The following ENO2 variants were observed in gnomAD, a reference collection of about 807,000 sequenced individuals.
ENO2 encodes gamma-enolase.
ENO2 carries 19 observed loss-of-function variants against 48.7 expected under a neutral mutation model. That is an observed-to-expected ratio of 0.39 (90% CI 0.27 to 0.57). ENO2 has a LOEUF of 0.57. Ranked by LOEUF, ENO2 falls within the 20% of genes least tolerant of loss-of-function variation. The pLI is 0.58. For missense variants in ENO2, 416 were observed against 555.0 expected, an observed-to-expected ratio of 0.75 and a Z score of 2.52; for synonymous variants, 198 against 213.4, an observed-to-expected ratio of 0.93 and a Z score of 0.63.
Position 6,916,663 on chromosome 12 carries a change from T to C in ENO2, c.182-8T>C. 2 of 1,614,134 alleles carry C rather than the reference T, an allele frequency of 1.2e-6. No individual in the cohort carries two copies. ...GCCCGACCCAGTCCAGCCTCTTCCTTTCCCCAGGTGTCCTGAAGGCAGTGG... is the reference window on the plus strand; with the variant it reads ...GCCCGACCCAGTCCAGCCTCTTCCTCTCCCCAGGTGTCCTGAAGGCAGTGG... On this transcript the variant is annotated splice_region_variant and splice_polypyrimidine_tract_variant and intron_variant, in intron 3 of 11. Coordinates refer to ENST00000229277, the MANE Select transcript of ENO2 (RefSeq NM_001975.3). The surrounding 1 kb of genome is among the most constrained non-coding windows in gnomAD (Gnocchi z 4.5).
At chr12:6,919,545 C>G (rs781964516) in intron 7 of ENO2, 21 bp from the exon 8 acceptor site, 1 of 1,613,644 alleles carries the variant, frequency 6.2e-7, no homozygotes, top group Admixed American at 1.7e-5. Context: ...GTACTATAAT[C>G]TCACTGTATT....
At chr12:6,920,064 G>A (rs1410352027) in intron 8 of ENO2, among the ~76,000 whole-genome samples, 3 of 152,136 alleles carry the variant, frequency 2.0e-5, no homozygotes, top group Non-Finnish European at 4.4e-5. Flanking sequence ...AGTGTGACTG[G>A]ATCTAGCAGA....
chr12:6,917,249 A>T (rs1282712981), intron 5 of ENO2, 142 bp downstream of exon 5: 1 of 1,056,038 alleles, frequency 9.5e-7, no homozygotes, highest in African/African-American at 1.6e-5. Flanking sequence ...GAGCAAGGGG[A>T]GATGAGTTTA....
chr12:6,921,389 T>C (rs1250778706), intron 8 of ENO2, 192 bp from the exon 9 acceptor site: 7 of 541,162 alleles, frequency 1.3e-5, no homozygotes, highest in Non-Finnish European at 1.9e-5. Flanking sequence ...TGAGGCTCTG[T>C]CAAAAAAAAA....
Position 6,917,045 on chromosome 12 carries a change from C to T in ENO2, c.248C>T (p.Ser83Phe). The T allele has an allele frequency of 6.2e-7, 1 of 1,614,176 alleles. No individual in the cohort carries two copies. Among genetic ancestry groups the T allele is most frequent in the South Asian group, 1.1e-5 (1 of 91,084 alleles). The change falls in exon 5 of 12, where the codon TCT becomes TTT. Residue 83 changes from serine to phenylalanine, a missense_variant. Ser to Phe is a radical substitution (Grantham distance 155). Transcript: ENST00000229277. ...TGGAGGCTCTGCCCTCAGGGTCTCT[C>T]TGTGGTGGAGCAAGAGAAACTGGAC... ...IAPALISSGL[S>F]VVEQEKLDNL...
intron 7 of ENO2, among the ~76,000 whole-genome samples, chr12:6,919,163 G>T (rs1197666021): frequency 6.6e-6 from 1 of 152,118 alleles, no homozygotes; most frequent in African/African-American, 2.4e-5. Context: ...GGAATGGAAA[G>T]AATATAGGTA....
At chr12:6,921,938 C>T in intron 9 of ENO2, 118 bp from the exon 10 acceptor site, 2 of 1,514,114 alleles carry the variant, frequency 1.3e-6, no homozygotes, top group East Asian at 2.3e-5. Flanking sequence ...ACCCCTGATT[C>T]TCTGCTCCCC....
chr12:6,919,799 C>T lies in ENO2; in HGVS notation c.865+36C>T, dbSNP rs781865471. 60 of 1,605,188 alleles carry T rather than the reference C, an allele frequency of 3.7e-5. No homozygotes were observed. In the East Asian group the frequency reaches 1.3e-3, roughly 35 times the overall value. Reference sequence around the variant, plus strand: ...GTGGTGTGAGGGGGAGGTCTGGGGGCAGGCAGGGACGTGTCCCAGCAACTC... The same window carrying T: ...GTGGTGTGAGGGGGAGGTCTGGGGGTAGGCAGGGACGTGTCCCAGCAACTC... On this transcript the variant is annotated intron_variant, in intron 8 of 11. Coordinates refer to ENST00000229277, the MANE Select transcript of ENO2 (RefSeq NM_001975.3).
At chr12:6,919,066 T>C (rs1273966607) in intron 7 of ENO2, among the ~76,000 whole-genome samples, 2 of 147,048 alleles carry the variant, frequency 1.4e-5, no homozygotes, top group African/African-American at 4.9e-5. Context: ...ATTCATCCCA[T>C]CCATTCGAAA....
chr12:6,917,169 G>T, intron 5 of ENO2, 62 bp downstream of exon 5: 1 of 1,594,552 alleles, frequency 6.3e-7, no homozygotes, highest in African/African-American at 1.3e-5. Flanking sequence ...AGCAGATAGA[G>T]AGCTGAAGGG....
At chr12:6,920,879 T>C (rs992951510) in intron 8 of ENO2, among the ~76,000 whole-genome samples, 1 of 151,424 alleles carries the variant, frequency 6.6e-6, no homozygotes, top group Non-Finnish European at 1.5e-5. Context: ...TGGCGTGAGA[T>C]CTCTGCTCAC....
Position 6,922,952 on chromosome 12 carries a change from C to T in ENO2, c.*152C>T. On this transcript the variant is annotated 3_prime_UTR_variant, in exon 12 of 12. Transcript: ENST00000229277. This position sits in a 1 kb window ranked among gnomAD's most constrained non-coding sequence, Gnocchi z 5.3. ...CCTGCTCCGCTGCTCCTTGGCTTAC[C>T]TGACCTCTTGCTGTCTCTGCTCGCC... The T allele has an allele frequency of 1.4e-6, 1 of 740,072 alleles. No individual in the cohort carries two copies. Among genetic ancestry groups the T allele is most frequent in the Admixed American group, 2.3e-5 (1 of 43,868 alleles). The allele number at this position is 740,072 out of a possible 1,614,324, so 45.8% of individuals were successfully genotyped here.
Position 6,916,910 on chromosome 12 carries a change from G to C in ENO2, c.241-128G>C. The C allele has an allele frequency of 7.0e-7, 1 of 1,432,968 alleles. No individual in the cohort carries two copies. 88.8% of individuals were successfully genotyped at this position (1,432,968 alleles called of 1,614,324 possible). A position where few individuals can be genotyped will look rare whatever the true frequency, so the allele number is the denominator to read the frequency against. On this transcript the variant is annotated intron_variant, in intron 4 of 11. Transcript: ENST00000229277. The surrounding 1 kb of genome is among the most constrained non-coding windows in gnomAD (Gnocchi z 4.5). ...ATGGGAGTTCAGGTCCCCTAATCCA[G>C]GTAGGCCCCTGTCACAGGGACCTGG...
chr12:6,916,625 C>G lies in ENO2; in HGVS notation c.182-46C>G. 1.2e-6 allele frequency: 2 copies of G among 1,612,994 alleles called. No homozygotes were observed. The highest frequency in any genetic ancestry group is 1.7e-6 in the Non-Finnish European group (2 of 1,179,004). ...CTTCCCCTCCTCCCATTGATCCCTT[C>G]CGGCCCCTCCTGGCCCGACCCAGTC... On this transcript the variant is annotated intron_variant, in intron 3 of 11. Coordinates refer to ENST00000229277, the MANE Select transcript of ENO2 (RefSeq NM_001975.3). This position sits in a 1 kb window ranked among gnomAD's most constrained non-coding sequence, Gnocchi z 4.5.
rs1267901763 is a variant in ENO2 at position 6,922,882 on chromosome 12, CT to C, written c.*83del. 2.0e-6 allele frequency: 3 copies of C among 1,498,192 alleles called. No homozygotes were observed. The East Asian group carries it at 6.8e-5, about 34-fold the overall frequency. 92.8% of individuals were successfully genotyped at this position (1,498,192 alleles called of 1,614,324 possible). A position where few individuals can be genotyped will look rare whatever the true frequency, so the allele number is the denominator to read the frequency against. ...GTCCTGATCTGTGATAGTTCACCCC[CT>C]GAGATCCCCTGAGCCCCAGGGTGCC... On this transcript the variant is annotated 3_prime_UTR_variant, in exon 12 of 12. Transcript: ENST00000229277. This position sits in a 1 kb window ranked among gnomAD's most constrained non-coding sequence, Gnocchi z 5.3.
rs916988481 is a variant in ENO2, at chr12:6,922,630, G to A, written c.1236-101G>A. On this transcript the variant is annotated intron_variant, in intron 11 of 11. Transcript: ENST00000229277. The surrounding 1 kb of genome is among the most constrained non-coding windows in gnomAD (Gnocchi z 5.3). ...CTAAGCCTTGGGGCAGGACACAAAAGCAGGTGGTGTGGGGGTGGTTGGAGT... is the reference window on the plus strand; with the variant it reads ...CTAAGCCTTGGGGCAGGACACAAAAACAGGTGGTGTGGGGGTGGTTGGAGT... 4.9e-6 allele frequency: 7 copies of A among 1,421,028 alleles called. No individual in the cohort carries two copies. In the Admixed American group the frequency reaches 1.2e-4, roughly 24 times the overall value. The allele number at this position is 1,421,028 out of a possible 1,614,324, so 88.0% of individuals were successfully genotyped here. A position where few individuals can be genotyped will look rare whatever the true frequency, so the allele number is the denominator to read the frequency against.
chr12:6,915,940 TC>T, intron 2 of ENO2, 23 bp downstream of exon 2: 1 of 1,613,064 alleles, frequency 6.2e-7, no homozygotes. Flanking sequence ...GCATGGGCCT[TC>T]CTACAGCCCT....
In ENO2 at chr12:6,922,228, A is replaced by G; in HGVS notation, c.1176+64A>G. ...TGGGATTGGTATTTCTAGCTCACCCACCTGGTCTCTCCTTCCAGGTGTTTG... is the reference window on the plus strand; with the variant it reads ...TGGGATTGGTATTTCTAGCTCACCCGCCTGGTCTCTCCTTCCAGGTGTTTG... On this transcript the variant is annotated intron_variant, in intron 10 of 11. Transcript: ENST00000229277. This position sits in a 1 kb window ranked among gnomAD's most constrained non-coding sequence, Gnocchi z 5.3. 1.9e-6 allele frequency: 3 copies of G among 1,606,878 alleles called. No individual in the cohort carries two copies. The highest frequency in any genetic ancestry group is 2.6e-6 in the Non-Finnish European group (3 of 1,174,538).
chr12:6,915,729 A>G (rs1372821461), intron 1 of ENO2, 92 bp from the exon 2 acceptor site: 1 of 251,728 alleles, frequency 4.0e-6, no homozygotes, highest in East Asian at 1.4e-4. Flanking sequence ...CCTCTTTCCC[A>G]TCCCTCCCAG....
Sources: gnomAD v4.1 joint callset for allele counts (sites outside exome capture counted in the v4.1 genomes callset) on GRCh38, gnomAD v4.1.1 for gene constraint, Gnocchi (gnomAD v3.1) non-coding constraint, MANE v1.5 for transcripts, NCBI Gene and HGNC (gene_info 2026-07-23, HGNC 2026-07-21) for gene names.